The following ELAPOR2 variants were observed in gnomAD, a reference collection of about 807,000 sequenced individuals.
ELAPOR2 encodes the protein endosome/lysosome-associated apoptosis and autophagy regulator family member 2.
In ELAPOR2, 89 loss-of-function variants were observed where a neutral mutation model predicts 120.7. The ratio of observed to expected loss-of-function variants is 0.74; its 90% CI spans 0.62 to 0.88. ELAPOR2 has a LOEUF of 0.88. Ranked by LOEUF, ELAPOR2 falls within the 40% of genes least tolerant of loss-of-function variation. The probability of loss-of-function intolerance (pLI) is 0.00; values close to 1 mark genes in which losing one functional copy is unlikely to be tolerated. For synonymous variants in ELAPOR2, 444 were observed against 444.9 expected, an observed-to-expected ratio of 1.00 and a Z score of 0.03; for missense variants, 1,134 against 1,251.6, an observed-to-expected ratio of 0.91 and a Z score of 1.42.
intron 12 of ELAPOR2, among the ~76,000 whole-genome samples, chr7:86,915,355 T>A (rs975911178): frequency 1.3e-5 from 2 of 152,044 alleles, no homozygotes; most frequent in African/African-American, 4.8e-5. Context: ...CAGGGTGACT[T>A]TATCCAAGTG....
chr7:86,890,419 A>G (rs1199649321), intron 21 of ELAPOR2, among the ~76,000 whole-genome samples: 1 of 152,012 alleles, frequency 6.6e-6, no homozygotes, highest in African/African-American at 2.4e-5. Context: ...AAGGATGGGC[A>G]TGTTTACTGT....
chr7:86,907,881 T>C (rs1301226079), intron 17 of ELAPOR2, 110 bp from the exon 18 acceptor site: 3 of 517,050 alleles, frequency 5.8e-6, no homozygotes, highest in Non-Finnish European at 9.8e-6. Context: ...AAAAGAAAAA[T>C]GTATTAAAGT....
chr7:86,958,767 T>C (rs1348782084), intron 2 of ELAPOR2, among the ~76,000 whole-genome samples: 1 of 152,210 alleles, frequency 6.6e-6, no homozygotes, highest in African/African-American at 2.4e-5. Context: ...GCTCAGAAAG[T>C]GTGATGCTTC....
intron 21 of ELAPOR2, among the ~76,000 whole-genome samples, chr7:86,881,677 G>A (rs1799412546): frequency 6.6e-6 from 1 of 151,924 alleles, no homozygotes. Flanking sequence ...ATATTTCTTT[G>A]TAGAGACAAC....
intron 19 of ELAPOR2, among the ~76,000 whole-genome samples, chr7:86,896,780 T>G (rs1788457266): frequency 6.6e-6 from 1 of 152,140 alleles, no homozygotes; most frequent in Admixed American, 6.6e-5. Context: ...GAAGTGAAAG[T>G]GAAAATTGAT....
intron 8 of ELAPOR2, among the ~76,000 whole-genome samples, chr7:86,934,823 C>T (rs1584368308): frequency 6.6e-6 from 1 of 152,000 alleles, no homozygotes; most frequent in Non-Finnish European, 1.5e-5. Context: ...CAAAACTGTA[C>T]TCATGGTCTT....
At position 86,947,739 on chromosome 7, in the gene ELAPOR2, T is replaced by C. The variant is rs1419310081; in HGVS notation, c.494A>G (p.Asp165Gly). Reference sequence around the variant, plus strand: ...TTTGGATTCTTACTTGTTACAGCCGTCTGGCCTGCTGTCAGAAGGGCCCAC... The same window carrying C: ...TTTGGATTCTTACTTGTTACAGCCGCCTGGCCTGCTGTCAGAAGGGCCCAC... ...TVVGPSDSRPDGCNNSSWIPR... is the reference protein window; with the variant it reads ...TVVGPSDSRPGGCNNSSWIPR... Residue 165 changes from aspartate (D) to glycine (G), a missense_variant, in exon 3 of 22, where the codon GAC (aspartate) becomes GGC (glycine). Transcript: ENST00000450689. 3 of 1,551,312 alleles carry C rather than the reference T, an allele frequency of 1.9e-6. No individual in the cohort carries two copies. The highest frequency in any genetic ancestry group is 2.6e-6 in the Non-Finnish European group (3 of 1,146,658).
At chr7:86,920,172 T>C (rs1433290239) in intron 10 of ELAPOR2, among the ~76,000 whole-genome samples, 1 of 152,146 alleles carries the variant, frequency 6.6e-6, no homozygotes, top group Non-Finnish European at 1.5e-5. Context: ...ATCAACAATT[T>C]ATACAGAGAT....
At position 86,938,949 on chromosome 7, in the gene ELAPOR2, TG is replaced by T; in HGVS notation, c.858del (p.Tyr286Ter). On this transcript the variant is annotated frameshift_variant, in exon 7 of 22. Coordinates refer to ENST00000450689, the MANE Select transcript of ELAPOR2 (RefSeq NM_001142749.3). LOFTEE classifies it high-confidence loss of function. ...VKNITIEGVA[Y>X]TSECFPCKPG... ...GGCTTGCAAGGAAAACATTCTGATG[TG>T]TACGCCACCCCTGTGCAGTAATGAA... The T allele has an allele frequency of 6.2e-7, 1 of 1,613,068 alleles. No individual in the cohort carries two copies. Among genetic ancestry groups the T allele is most frequent in the Non-Finnish European group, 8.5e-7 (1 of 1,179,340 alleles).
rs1315789586 is a variant in ELAPOR2 at position 86,877,053 on chromosome 7, C to T, written c.*3418G>A. 1 of 152,136 alleles carries T rather than the reference C, an allele frequency of 6.6e-6. No homozygotes were observed. Among genetic ancestry groups the T allele is most frequent in the Non-Finnish European group, 1.5e-5 (1 of 68,016 alleles). The allele number at this position is 152,136 out of a possible 1,614,324, so 9.4% of individuals were successfully genotyped here. A position where few individuals can be genotyped will look rare whatever the true frequency, so the allele number is the denominator to read the frequency against. ...CTGCAAAGCCAAAACTATGTACTATCTGACCCTTTACAAAAAAAATGTTTG... is the reference window on the plus strand; with the variant it reads ...CTGCAAAGCCAAAACTATGTACTATTTGACCCTTTACAAAAAAAATGTTTG... On this transcript the variant is annotated 3_prime_UTR_variant, in exon 22 of 22. Transcript: ENST00000450689.
intron 1 of ELAPOR2, among the ~76,000 whole-genome samples, chr7:87,040,079 GCAC>G (rs1562980855): frequency 6.6e-6 from 1 of 152,232 alleles, no homozygotes; most frequent in Non-Finnish European, 1.5e-5. Flanking sequence ...AAAACACGGC[GCAC>G]CACAAGATTA....
At chr7:86,895,746 T>A (rs1281075413) in intron 19 of ELAPOR2, among the ~76,000 whole-genome samples, 2 of 152,074 alleles carry the variant, frequency 1.3e-5, no homozygotes, top group African/African-American at 2.4e-5. Flanking sequence ...GAGAGAAATA[T>A]TAAAGAATGT....
intron 1 of ELAPOR2, among the ~76,000 whole-genome samples, chr7:87,011,281 A>G (rs576533584): frequency 1.6e-4 from 25 of 151,784 alleles, no homozygotes; most frequent in African/African-American, 5.8e-4. Context: ...AAAGAAAAAG[A>G]AAATACACCA....
intron 13 of ELAPOR2, among the ~76,000 whole-genome samples, chr7:86,914,389 G>T (rs78111439): frequency 0.037 from 5,654 of 152,056 alleles, 353 homozygotes; most frequent in African/African-American, 0.13. Context: ...GAAGAAAGTT[G>T]CCCATCTTCA....
chr7:86,978,260 C>A (rs186652556), intron 1 of ELAPOR2, among the ~76,000 whole-genome samples: 56 of 152,314 alleles, frequency 3.7e-4, no homozygotes, highest in African/African-American at 1.3e-3. Context: ...TTTCCTGAGG[C>A]CTCCGCAGCC....
intron 1 of ELAPOR2, among the ~76,000 whole-genome samples, chr7:87,002,032 G>A (rs1278963692): frequency 2.0e-5 from 3 of 152,224 alleles, no homozygotes; most frequent in East Asian, 1.9e-4. Flanking sequence ...AGGTATGGCT[G>A]CAGAGTCTCA....
rs917015026 is a variant in ELAPOR2, at chr7:86,878,422, C to T, written c.*2049G>A. ...AAAATAAATTCTCCAATATCAACTA[C>T]ATTTTCGGAGAGTTCATTAAAATTT... On this transcript the variant is annotated 3_prime_UTR_variant, in exon 22 of 22. Coordinates refer to ENST00000450689, the MANE Select transcript of ELAPOR2 (RefSeq NM_001142749.3). 6.6e-6 allele frequency: 1 copy of T among 152,164 alleles called. No homozygotes were observed. The highest frequency in any genetic ancestry group is 2.4e-5 in the African/African-American group (1 of 41,446). 9.4% of individuals were successfully genotyped at this position (152,164 alleles called of 1,614,324 possible).
At chr7:86,990,449 C>T (rs1474904188) in intron 1 of ELAPOR2, among the ~76,000 whole-genome samples, 1 of 152,092 alleles carries the variant, frequency 6.6e-6, no homozygotes, top group South Asian at 2.1e-4. Flanking sequence ...ACCCCCTTAC[C>T]ATGTGACCAG....
intron 2 of ELAPOR2, among the ~76,000 whole-genome samples, chr7:86,959,375 AG>A (rs1791609193): frequency 6.6e-6 from 1 of 152,198 alleles, no homozygotes; most frequent in African/African-American, 2.4e-5. Flanking sequence ...GAAGTGGTGA[AG>A]GTGAACGGGA....
Sources: allele counts gnomAD v4.1 joint callset (sites outside exome capture counted in the v4.1 genomes callset), GRCh38; gene constraint gnomAD v4.1.1; transcripts MANE v1.5; gene names NCBI Gene and HGNC (gene_info 2026-07-23, HGNC 2026-07-21).